SLC5A1: variants seen among roughly 807,000 people sequenced by gnomAD.
SLC5A1 encodes sodium/glucose cotransporter 1.
SLC5A1 carries 42 observed loss-of-function variants against 73.5 expected under a neutral mutation model. The observed-to-expected ratio is 0.57, with a 90% CI of 0.45 to 0.74. The LOEUF (loss-of-function observed/expected upper bound fraction) is 0.74, where lower values mean the gene tolerates loss of function less well. SLC5A1 is among the 30% of genes least tolerant of loss of function. The pLI, the probability that SLC5A1 is intolerant of heterozygous loss-of-function variation, is 0.00. For missense variants in SLC5A1, 634 were observed against 855.4 expected (o/e 0.74, Z 3.23); for synonymous variants, 300 against 317.4 (o/e 0.95, Z 0.58).
intron 8 of SLC5A1, 21 bp from the exon 9 acceptor site, chr22:32,084,879 T>C: frequency 6.2e-7 from 1 of 1,613,786 alleles, no homozygotes; most frequent in Non-Finnish European, 8.5e-7. Context: ...CACACCTCCC[T>C]TACTGGGCTT....
At chr22:32,094,575 G>A (rs1201209097) in intron 11 of SLC5A1, among the ~76,000 whole-genome samples, 1 of 152,098 alleles carries the variant, frequency 6.6e-6, no homozygotes, top group Non-Finnish European at 1.5e-5. Context: ...TAGGAGGGTT[G>A]TATCTCTCCA....
At chr22:32,053,594 A>T (rs1009500833) in intron 2 of SLC5A1, among the ~76,000 whole-genome samples, 1 of 152,152 alleles carries the variant, frequency 6.6e-6, no homozygotes, top group Non-Finnish European at 1.5e-5. Context: ...TCTAGTTAGT[A>T]CCTAAGCATC....
In SLC5A1 at chr22:32,043,287, C is replaced by G; in HGVS notation, c.6C>G (p.Asp2Glu). 1 of 1,614,022 alleles carries G rather than the reference C, an allele frequency of 6.2e-7. No individual in the cohort carries two copies. Among genetic ancestry groups the G allele is most frequent in the Non-Finnish European group, 8.5e-7 (1 of 1,180,030 alleles). ...AAGGACGCAACGCTGCCACCATGGACAGTAGCACCTGGAGCCCCAAGACCA... is the reference window on the plus strand; with the variant it reads ...AAGGACGCAACGCTGCCACCATGGAGAGTAGCACCTGGAGCCCCAAGACCA... M[D>E]SSTWSPKTTA... is the part of the protein sequence containing the mutation. Residue 2 changes from aspartate (D) to glutamate (E), a missense_variant, in exon 1 of 15, where the codon GAC becomes GAG. Physicochemically the swap from Asp to Glu is conservative, Grantham distance 45. Coordinates refer to ENST00000266088, the MANE Select transcript of SLC5A1 (RefSeq NM_000343.4). The surrounding 1 kb of genome is among the most constrained non-coding windows in gnomAD (Gnocchi z 6.5).
Position 32,083,098 on chromosome 22 carries a change from C to T in SLC5A1, c.608C>T (p.Thr203Met), listed in dbSNP as rs33939896. The stretch of plus-strand genomic sequence containing the variant: ...GGGGGCCTGGCGGCGGTGATTTACA[C>T]GGACACCTTGCAGACGGTGATCATG... ...ITGGLAAVIYTDTLQTVIMLV... is the reference protein window; with the variant it reads ...ITGGLAAVIYMDTLQTVIMLV... Residue 203 changes from threonine to methionine, a missense_variant, in exon 7 of 15, where the codon ACG (threonine) becomes ATG (methionine). Physicochemically the swap from Thr to Met is moderately conservative, Grantham distance 81. Around this residue, in one of 3 missense-constraint regions of SLC5A1, gnomAD observed 422 missense variants for 626.1 expected, o/e 0.67. Transcript: ENST00000266088. 7 of 1,614,028 alleles carry T rather than the reference C, an allele frequency of 4.3e-6. No individual in the cohort carries two copies. The highest frequency in any genetic ancestry group is 1.3e-5 in the African/African-American group (1 of 74,928).
chr22:32,084,427 G>C lies in SLC5A1; in HGVS notation c.665-12G>C. ...GTTTCAGAATGTTCATTTCTGTACC[G>C]ATGTTTTCCAGCTTTTCACGAAGTG... On this transcript the variant is annotated splice_polypyrimidine_tract_variant and intron_variant, in intron 7 of 14. Coordinates refer to ENST00000266088, the MANE Select transcript of SLC5A1 (RefSeq NM_000343.4). 1.2e-6 allele frequency: 2 copies of C among 1,610,086 alleles called. No individual in the cohort carries two copies. Among genetic ancestry groups the C allele is most frequent in the Non-Finnish European group, 1.7e-6 (2 of 1,176,290 alleles).
chr22:32,049,803 T>A, intron 1 of SLC5A1, 140 bp from the exon 2 acceptor site: 1 of 786,726 alleles, frequency 1.3e-6, no homozygotes, highest in Non-Finnish European at 2.3e-6. Flanking sequence ...CTTTTGAGGC[T>A]GCAGGGGAAG....
chr22:32,057,392 G>A (rs996520154), intron 2 of SLC5A1, among the ~76,000 whole-genome samples: 2 of 151,976 alleles, frequency 1.3e-5, no homozygotes, highest in South Asian at 2.1e-4. Context: ...TCAGCCTCCC[G>A]AGTATCTGGG....
chr22:32,056,208 G>C (rs958534326), intron 2 of SLC5A1, among the ~76,000 whole-genome samples: 2 of 151,974 alleles, frequency 1.3e-5, no homozygotes, highest in Non-Finnish European at 2.9e-5. Flanking sequence ...TTTAGTAGAG[G>C]TGAGGTCTCG....
chr22:32,055,867 T>A (rs981226956), intron 2 of SLC5A1, among the ~76,000 whole-genome samples: 1 of 152,192 alleles, frequency 6.6e-6, no homozygotes, highest in African/African-American at 2.4e-5. Flanking sequence ...CTCCCTTTCT[T>A]ATTCTCCCAG....
chr22:32,075,401 T>G (rs1277387139), intron 5 of SLC5A1, among the ~76,000 whole-genome samples: 1 of 152,014 alleles, frequency 6.6e-6, no homozygotes, highest in Non-Finnish European at 1.5e-5. Context: ...AATGAGGGGA[T>G]GGGATAGATC....
rs2093933014 is a variant in SLC5A1, at chr22:32,043,494, G to A, written c.135+78G>A. The A allele has an allele frequency of 1.3e-6, 2 of 1,497,296 alleles. No homozygotes were observed. Among genetic ancestry groups the A allele is most frequent in the South Asian group, 1.2e-5 (1 of 85,964 alleles). The allele number at this position is 1,497,296 out of a possible 1,614,324, so 92.8% of individuals were successfully genotyped here. On this transcript the variant is annotated intron_variant, in intron 1 of 14. Coordinates refer to ENST00000266088, the MANE Select transcript of SLC5A1 (RefSeq NM_000343.4). The surrounding 1 kb of genome is among the most constrained non-coding windows in gnomAD (Gnocchi z 6.5). ...CAATGGCCTCGCTGAGCTGCAAGGG[G>A]CAGTAGGCTTAAGTGTCGGTGGAGG...
chr22:32,102,447 G>A (rs1016939628), intron 13 of SLC5A1, among the ~76,000 whole-genome samples: 4 of 151,810 alleles, frequency 2.6e-5, no homozygotes, highest in African/African-American at 9.7e-5. Flanking sequence ...ATTTCTTTGT[G>A]TTAGGAACAT....
chr22:32,043,926 G>C lies in SLC5A1; in HGVS notation c.135+510G>C, dbSNP rs1158742915. 1.3e-5 allele frequency among the ~76,000 whole-genome samples: 2 copies of C among 152,198 alleles called. No homozygotes were observed. Among genetic ancestry groups the C allele is most frequent in the East Asian group, 1.9e-4 (1 of 5,194 alleles). On this transcript the variant is annotated intron_variant, in intron 1 of 14. Coordinates refer to ENST00000266088, the MANE Select transcript of SLC5A1 (RefSeq NM_000343.4). This position sits in a 1 kb window ranked among gnomAD's most constrained non-coding sequence, Gnocchi z 6.5. ...TGACCCATGCCCCACTCCTGGGAGA[G>C]GCTAACCCAGAGGCCTTGTGCATGA...
At chr22:32,102,393 T>C (rs1468800429) in intron 13 of SLC5A1, among the ~76,000 whole-genome samples, 156 bp downstream of exon 13, 1 of 152,148 alleles carries the variant, frequency 6.6e-6, no homozygotes, top group East Asian at 1.9e-4. Flanking sequence ...TATAAAATAA[T>C]CAAATCAGGG....
intron 3 of SLC5A1, 83 bp downstream of exon 3, chr22:32,067,122 G>A (rs2093974781): frequency 3.4e-6 from 4 of 1,164,416 alleles, no homozygotes; most frequent in African/African-American, 1.5e-5. Context: ...CAGAGGAGCT[G>A]AAGATGTTAG....
chr22:32,054,915 T>G (rs2093949593), intron 2 of SLC5A1, among the ~76,000 whole-genome samples: 1 of 152,188 alleles, frequency 6.6e-6, no homozygotes, highest in Admixed American at 6.5e-5. Context: ...CCTCATGTGA[T>G]CTGCCCACCT....
chr22:32,068,154 G>C, intron 4 of SLC5A1, 128 bp downstream of exon 4: 1 of 929,748 alleles, frequency 1.1e-6, no homozygotes, highest in Non-Finnish European at 1.8e-6. Context: ...TTCACTCCCA[G>C]GTTATGAAAT....
At chr22:32,099,034 G>A (rs559731891) in intron 11 of SLC5A1, 149 bp from the exon 12 acceptor site, 84 of 177,460 alleles carry the variant, frequency 4.7e-4, no homozygotes, top group Non-Finnish European at 7.6e-4. Context: ...TGCAGTGAGC[G>A]GAGATGCACC....
chr22:32,097,128 C>T (rs1417033983), intron 11 of SLC5A1, among the ~76,000 whole-genome samples: 1 of 152,250 alleles, frequency 6.6e-6, no homozygotes, highest in Non-Finnish European at 1.5e-5. Context: ...TATGTTGGGG[C>T]TCACATTTTT....
Sources: allele counts gnomAD v4.1 joint callset (sites outside exome capture counted in the v4.1 genomes callset), GRCh38; gene constraint gnomAD v4.1.1; regional missense constraint gnomAD v4.1.1; non-coding constraint Gnocchi (gnomAD v3.1); transcripts MANE v1.5; gene names NCBI Gene and HGNC (gene_info 2026-07-23, HGNC 2026-07-21).